The following GULP1 variants were observed in gnomAD, a reference collection of about 807,000 sequenced individuals.
GULP1 encodes the protein GULP PTB domain containing engulfment adaptor 1, also known as PTB domain-containing engulfment adapter protein 1.
GULP1 carries 19 observed loss-of-function variants against 40.9 expected under a neutral mutation model. The ratio of observed to expected loss-of-function variants is 0.46; its 90% confidence interval spans 0.32 to 0.68. The LOEUF (loss-of-function observed/expected upper bound fraction) is 0.68. Among genes scored for constraint, GULP1 ranks in the 30% least tolerant of loss-of-function variants. The pLI is 0.03. For missense variants in GULP1, 312 were observed against 362.2 expected (o/e 0.86, Z 1.12); for synonymous variants, 119 against 117.6 (o/e 1.01, Z -0.08).
chr2:188,590,167 T>C (rs1703238501), intron 11 of GULP1: 1 of 152,276 alleles, frequency 6.6e-6, no homozygotes, highest in Non-Finnish European at 1.5e-5. Flanking sequence ...AAAAACAGGG[T>C]TTCATCATGT....
intron 2 of GULP1, among the ~76,000 whole-genome samples, chr2:188,436,191 C>A (rs1336921458): frequency 1.3e-5 from 2 of 151,988 alleles, no homozygotes; most frequent in Non-Finnish European, 2.9e-5. Context: ...CACAGCTTGC[C>A]ACCTATTTTT....
chr2:188,323,890 C>T (rs1009779248), intron 1 of GULP1, among the ~76,000 whole-genome samples: 1 of 151,686 alleles, frequency 6.6e-6, no homozygotes, highest in Admixed American at 6.6e-5. Flanking sequence ...GCTCTCTCCT[C>T]TATGATTTAC....
chr2:188,411,816 C>T (rs1046065025), intron 2 of GULP1, among the ~76,000 whole-genome samples: 6 of 152,184 alleles, frequency 3.9e-5, no homozygotes, highest in African/African-American at 4.8e-5. Flanking sequence ...GTGCACTGCT[C>T]GAAATTCTGC....
intron 2 of GULP1, among the ~76,000 whole-genome samples, chr2:188,432,219 T>C (rs1431994448): frequency 6.6e-6 from 1 of 151,700 alleles, no homozygotes; most frequent in Non-Finnish European, 1.5e-5. Flanking sequence ...TTAATGAGTA[T>C]ATATCATTTA....
chr2:188,472,496 A>G (rs2060672336), intron 2 of GULP1, among the ~76,000 whole-genome samples: 1 of 151,860 alleles, frequency 6.6e-6, no homozygotes, highest in Admixed American at 6.6e-5. Flanking sequence ...TCCTCTGACC[A>G]TGTATTTTTC....
At chr2:188,484,346 A>T (rs1020140256) in intron 4 of GULP1, among the ~76,000 whole-genome samples, 8 of 152,192 alleles carry the variant, frequency 5.3e-5, no homozygotes, top group South Asian at 2.1e-4. Context: ...GAAAAAAATG[A>T]GTGAATTCAG....
intron 1 of GULP1, among the ~76,000 whole-genome samples, chr2:188,337,356 T>A (rs1487897914): frequency 6.6e-6 from 1 of 151,222 alleles, no homozygotes. Flanking sequence ...ACCAGGCTGG[T>A]CACGAAATCC....
At chr2:188,366,853 G>A (rs1409803167) in intron 1 of GULP1, among the ~76,000 whole-genome samples, 46 of 152,158 alleles carry the variant, frequency 3.0e-4, no homozygotes, top group African/African-American at 8.7e-4. Flanking sequence ...TCGGCCTCCC[G>A]AAGTGCTGGG....
At chr2:188,522,256 G>GA (rs1024412003) in intron 4 of GULP1, among the ~76,000 whole-genome samples, 5 of 149,786 alleles carry the variant, frequency 3.3e-5, no homozygotes, top group Non-Finnish European at 5.9e-5. Context: ...ATGTTTACTT[G>GA]AAAAAAAAAG....
chr2:188,306,144 C>A (rs559606330), intron 1 of GULP1, among the ~76,000 whole-genome samples: 1 of 152,172 alleles, frequency 6.6e-6, no homozygotes, highest in South Asian at 2.1e-4. Flanking sequence ...GTAAATATAA[C>A]CTAAGATATA....
intron 7 of GULP1, among the ~76,000 whole-genome samples, chr2:188,548,974 T>G (rs1415366405): frequency 6.6e-6 from 1 of 151,794 alleles, no homozygotes; most frequent in Non-Finnish European, 1.5e-5. Context: ...CATCATGGAC[T>G]TAGATATAAA....
chr2:188,313,689 A>G (rs763052399), intron 1 of GULP1, among the ~76,000 whole-genome samples: 1 of 152,182 alleles, frequency 6.6e-6, no homozygotes. Context: ...CATTGAGTCT[A>G]TGAATTACTT....
chr2:188,360,781 C>T (rs1453161291), intron 1 of GULP1, among the ~76,000 whole-genome samples: 2 of 152,064 alleles, frequency 1.3e-5, no homozygotes, highest in African/African-American at 4.8e-5. Flanking sequence ...CAATAAAACA[C>T]AAACTGCCTT....
At chr2:188,525,749 G>T (rs1330422571) in intron 5 of GULP1, among the ~76,000 whole-genome samples, 1 of 152,150 alleles carries the variant, frequency 6.6e-6, no homozygotes, top group Non-Finnish European at 1.5e-5. Context: ...GCAAGAAAAT[G>T]TAGCCGTTGG....
At chr2:188,490,902 C>T (rs2062315241) in intron 4 of GULP1, among the ~76,000 whole-genome samples, 1 of 152,000 alleles carries the variant, frequency 6.6e-6, no homozygotes, top group African/African-American at 2.4e-5. Context: ...CTCCTGGGCT[C>T]AGGTGATCCT....
chr2:188,386,883 A>G (rs2049836246), intron 2 of GULP1, among the ~76,000 whole-genome samples: 1 of 152,184 alleles, frequency 6.6e-6, no homozygotes, highest in Admixed American at 6.5e-5. Context: ...GGCAGTAGCA[A>G]TTTCTTTCTC....
intron 7 of GULP1, 139 bp downstream of exon 7, chr2:188,541,457 G>C (rs749831708): frequency 1.3e-6 from 1 of 764,404 alleles, no homozygotes; most frequent in South Asian, 1.4e-5. Flanking sequence ...ATACTTAGCT[G>C]TACTAATAGA....
At chr2:188,492,639 G>T (rs1011986645) in intron 4 of GULP1, among the ~76,000 whole-genome samples, 2 of 149,388 alleles carry the variant, frequency 1.3e-5, no homozygotes, top group Non-Finnish European at 3.0e-5. Context: ...TTCATAGGAA[G>T]AATTAACTTT....
chr2:188,368,939 G>GTGTGTATA (rs1272494109), intron 1 of GULP1, among the ~76,000 whole-genome samples: 24 of 86,080 alleles, frequency 2.8e-4, no homozygotes, highest in Admixed American at 4.2e-4. Context: ...ATATATGTGT[G>GTGTGTATA]TATATATATA....
Sources: gnomAD v4.1 joint callset for allele counts (sites outside exome capture counted in the v4.1 genomes callset) on GRCh38, gnomAD v4.1.1 for gene constraint, MANE v1.5 for transcripts, NCBI Gene and HGNC (gene_info 2026-07-23, HGNC 2026-07-21) for gene names.